ABCC1: variants seen among roughly 807,000 people sequenced by gnomAD.
ABCC1 encodes multidrug resistance-associated protein 1.
In ABCC1, 83 loss-of-function variants were observed where a neutral mutation model predicts 172.9. That is an observed-to-expected ratio of 0.48 (90% CI 0.40 to 0.58). ABCC1 has a LOEUF of 0.58. Among genes scored for constraint, ABCC1 ranks in the 20% least tolerant of loss-of-function variants. The pLI is 0.00. For synonymous variants in ABCC1, 937 were observed against 825.2 expected (o/e 1.14, Z -2.32); for missense variants, 1,817 against 2,002.7 (o/e 0.91, Z 1.77).
chr16:16,041,518 CGCTT>C (rs768719003), intron 7 of ABCC1, among the ~76,000 whole-genome samples: 10 of 152,012 alleles, frequency 6.6e-5, no homozygotes, highest in Non-Finnish European at 1.5e-4. Context: ...GTAGACGGAT[CGCTT>C]GCTTTATTCC....
In ABCC1 at chr16:16,111,256, T is replaced by C. The variant is rs892686289; in HGVS notation, c.2872-119T>C. On this transcript the variant is annotated intron_variant, in intron 21 of 30. Coordinates refer to ENST00000399410, the MANE Select transcript of ABCC1 (RefSeq NM_004996.4). ...AGCTAAAGGGGAGGGGTGTTCTACGTAGGAGCAAAGGCAGGCAGCTGGGTG... is the reference window on the plus strand; with the variant it reads ...AGCTAAAGGGGAGGGGTGTTCTACGCAGGAGCAAAGGCAGGCAGCTGGGTG... 1.0e-5 allele frequency: 8 copies of C among 802,636 alleles called. No individual in the cohort carries two copies. The East Asian group carries it at 1.7e-4, about 17-fold the overall frequency. 49.7% of individuals were successfully genotyped at this position (802,636 alleles called of 1,614,324 possible).
intron 23 of ABCC1, among the ~76,000 whole-genome samples, chr16:16,116,716 C>T (rs2044889632): frequency 6.6e-6 from 1 of 152,068 alleles, no homozygotes. Context: ...GCATGCGCCA[C>T]ACCCAGCTAG....
At chr16:16,039,424 C>A (rs892803992) in intron 7 of ABCC1, among the ~76,000 whole-genome samples, 12 of 151,212 alleles carry the variant, frequency 7.9e-5, no homozygotes, top group African/African-American at 2.9e-4. Context: ...CATGCCACCA[C>A]GCCTGACTAA....
chr16:16,044,367 G>T (rs1375058656), intron 7 of ABCC1, 83 bp from the exon 8 acceptor site: 3 of 1,227,744 alleles, frequency 2.4e-6, no homozygotes, highest in African/African-American at 3.0e-5. Flanking sequence ...TCCCTGAAGG[G>T]TGACATTCCC....
intron 1 of ABCC1, among the ~76,000 whole-genome samples, chr16:16,004,851 T>C (rs1331381737): frequency 1.8e-5 from 2 of 111,530 alleles, no homozygotes; most frequent in Non-Finnish European, 4.4e-5. Flanking sequence ...ATATAAAAAT[T>C]ATGTTTTTAT....
At chr16:16,040,495 C>T (rs1289847185) in intron 7 of ABCC1, among the ~76,000 whole-genome samples, 2 of 152,082 alleles carry the variant, frequency 1.3e-5, no homozygotes, top group South Asian at 2.1e-4. Context: ...CCATGTTGGT[C>T]AGTCTAGTGT....
intron 6 of ABCC1, among the ~76,000 whole-genome samples, chr16:16,035,573 C>G (rs1470341109): frequency 6.6e-6 from 1 of 151,436 alleles, no homozygotes; most frequent in African/African-American, 2.4e-5. Flanking sequence ...TCTTTGCAGC[C>G]TCCACCTCCT....
intron 1 of ABCC1, among the ~76,000 whole-genome samples, chr16:15,952,443 A>C (rs982977024): frequency 6.6e-6 from 1 of 152,022 alleles, no homozygotes; most frequent in Non-Finnish European, 1.5e-5. Context: ...TTTCTGGGCT[A>C]CTGTCTGCCT....
intron 15 of ABCC1, among the ~76,000 whole-genome samples, chr16:16,076,808 G>T (rs2050594230): frequency 6.6e-6 from 1 of 152,170 alleles, no homozygotes; most frequent in Non-Finnish European, 1.5e-5. Context: ...CTCTCCCCTT[G>T]TGATGGTAAA....
rs531329446 is a variant in ABCC1 at position 15,952,574 on chromosome 16, C to T, written c.48+2775C>T. Among the ~76,000 whole-genome samples the T allele has an allele frequency of 1.1e-4, 17 of 151,994 alleles. No individual in the cohort carries two copies. The East Asian group carries it at 1.5e-3, about 14-fold the overall frequency. ...GAAAAGGAGAACTTTGCTATCAAAACGGAAAATAGGGCCTGAGGACAGGTC... is the reference window on the plus strand; with the variant it reads ...GAAAAGGAGAACTTTGCTATCAAAATGGAAAATAGGGCCTGAGGACAGGTC... On this transcript the variant is annotated intron_variant, in intron 1 of 30. Transcript: ENST00000399410.
intron 14 of ABCC1, among the ~76,000 whole-genome samples, chr16:16,074,940 T>C (rs1167561742): frequency 8.0e-6 from 1 of 125,548 alleles, no homozygotes; most frequent in Non-Finnish European, 1.6e-5. Context: ...TTCTGTTTTT[T>C]CTTTTTCTTT....
At chr16:16,088,635 C>T (rs1214159727) in intron 18 of ABCC1, among the ~76,000 whole-genome samples, 3 of 152,142 alleles carry the variant, frequency 2.0e-5, no homozygotes, top group East Asian at 1.9e-4. Flanking sequence ...TATTTTATGA[C>T]ATTTGAAAAT....
At chr16:15,991,137 A>G (rs1353975108) in intron 1 of ABCC1, among the ~76,000 whole-genome samples, 1 of 151,880 alleles carries the variant, frequency 6.6e-6, no homozygotes, top group Non-Finnish European at 1.5e-5. Flanking sequence ...TGTGGCTGAG[A>G]TTAGGAGATC....
chr16:16,115,123 A>G, intron 23 of ABCC1, 47 bp downstream of exon 23: 1 of 1,570,750 alleles, frequency 6.4e-7, no homozygotes, highest in Non-Finnish European at 8.7e-7. Context: ...ACTGTGCATT[A>G]TATACCAGTG....
intron 23 of ABCC1, among the ~76,000 whole-genome samples, chr16:16,116,107 T>G (rs183746180): frequency 1.1e-4 from 16 of 152,148 alleles, no homozygotes; most frequent in Non-Finnish European, 1.5e-4. Context: ...GGTTTCACCA[T>G]GTTAGCCAGG....
rs568697065 is a variant in ABCC1 at position 16,104,263 on chromosome 16, C to G, written c.2735+1546C>G. Among the ~76,000 whole-genome samples, 5 of 151,820 alleles carry G rather than the reference C, an allele frequency of 3.3e-5. No homozygotes were observed. The South Asian group carries it at 8.3e-4, about 25-fold the overall frequency. On this transcript the variant is annotated intron_variant, in intron 20 of 30. Coordinates refer to ENST00000399410, the MANE Select transcript of ABCC1 (RefSeq NM_004996.4). ...CTGGCTCTGGCAGCCAGCTTTTATT[C>G]TCTTATCTGGCCCTACCCACATCCT...
chr16:16,033,079 C>G (rs756282829), intron 5 of ABCC1, 30 bp from the exon 6 acceptor site: 4 of 1,608,500 alleles, frequency 2.5e-6, no homozygotes, highest in Non-Finnish European at 3.4e-6. Flanking sequence ...TTTCCCTCTT[C>G]CTCCCAAACC....
chr16:16,003,632 G>A (rs2047403593), intron 1 of ABCC1, among the ~76,000 whole-genome samples: 1 of 145,956 alleles, frequency 6.9e-6, no homozygotes, highest in African/African-American at 2.5e-5. Context: ...AAATGAATTG[G>A]TGGGTGGGTG....
At chr16:16,102,766 G>A in intron 20 of ABCC1, 49 bp downstream of exon 20, 1 of 1,531,256 alleles carries the variant, frequency 6.5e-7, no homozygotes. Context: ...CCCTGCCAGT[G>A]GGAGGACAAG....
Sources: gnomAD v4.1 joint callset for allele counts (sites outside exome capture counted in the v4.1 genomes callset) on GRCh38, gnomAD v4.1.1 for gene constraint, MANE v1.5 for transcripts, NCBI Gene and HGNC (gene_info 2026-07-23, HGNC 2026-07-21) for gene names.